SCN8A: variants seen among roughly 807,000 people sequenced by gnomAD.
The protein encoded by SCN8A is sodium channel protein type 8 subunit alpha.
Under a neutral mutation model 184.1 loss-of-function variants are expected in SCN8A, and 30 were observed. The ratio of observed to expected loss-of-function variants is 0.16; its 90% CI spans 0.12 to 0.22. The LOEUF (loss-of-function observed/expected upper bound fraction) is 0.22, where lower values mean the gene tolerates loss of function less well. Among genes scored for constraint, SCN8A ranks in the 10% least tolerant of loss-of-function variants. The pLI, the probability that SCN8A is intolerant of heterozygous loss-of-function variation, is 1.00. For synonymous variants in SCN8A, 852 were observed against 907.0 expected (o/e 0.94, Z 1.09); for missense variants, 1,057 against 2,498.9 (o/e 0.42, Z 12.30).
chr12:51,670,179 CCTCT>C (rs1941106722), intron 2 of SCN8A, among the ~76,000 whole-genome samples: 1 of 152,158 alleles, frequency 6.6e-6, no homozygotes, highest in Non-Finnish European at 1.5e-5. Flanking sequence ...GGTCTTGTCC[CCTCT>C]CTAAGTATGG....
chr12:51,682,523 A>G (rs1941352275), intron 2 of SCN8A, among the ~76,000 whole-genome samples: 1 of 152,210 alleles, frequency 6.6e-6, no homozygotes, highest in African/African-American at 2.4e-5. Context: ...TTTTAAGGAC[A>G]TAGATGTATG....
intron 18 of SCN8A, 33 bp downstream of exon 18, chr12:51,770,018 A>G: frequency 7.1e-7 from 1 of 1,405,864 alleles, no homozygotes; most frequent in Admixed American, 1.9e-5. Context: ...TGGGCTGGGG[A>G]CACTCGTGTT....
At chr12:51,753,215 C>G (rs1942622444) in intron 14 of SCN8A, among the ~76,000 whole-genome samples, 3 of 152,116 alleles carry the variant, frequency 2.0e-5, no homozygotes, top group Admixed American at 2.0e-4. Context: ...AACCCAGAAC[C>G]AAGTTCTAGA....
rs34310829 is a variant in SCN8A at position 51,733,062 on chromosome 12, A to G, written c.1998+11154A>G. Among the ~76,000 whole-genome samples, 1,149 of 152,204 alleles carry G rather than the reference A, an allele frequency of 7.5e-3. 8 individuals are homozygous for G. Among genetic ancestry groups the G allele is most frequent in the Non-Finnish European group, 0.011 (745 of 67,988 alleles). On this transcript the variant is annotated intron_variant, in intron 12 of 26. Coordinates refer to ENST00000627620, the MANE Select transcript of SCN8A (RefSeq NM_001330260.2). ...GCCCTTTATTTCTTTTTCTTGTCCA[A>G]TTGCTCTAAGTAGGACCTCCAGTAC...
intron 19 of SCN8A, among the ~76,000 whole-genome samples, chr12:51,772,591 G>C (rs1470059528): frequency 1.3e-5 from 2 of 152,046 alleles, no homozygotes; most frequent in African/African-American, 4.8e-5. Flanking sequence ...TGACATGGAA[G>C]CTGTTGCCTT....
intron 1 of SCN8A, among the ~76,000 whole-genome samples, chr12:51,631,417 A>G (rs943260608): frequency 6.6e-6 from 1 of 152,246 alleles, no homozygotes; most frequent in African/African-American, 2.4e-5. Flanking sequence ...GAAAAGATGC[A>G]GATGTGATTC....
rs1325769877 is a variant in SCN8A at position 51,647,000 on chromosome 12, CTTCATTAAA to C, written c.-54-15762_-54-15754del. Among the ~76,000 whole-genome samples, 11 of 152,162 alleles carry C rather than the reference CTTCATTAAA, an allele frequency of 7.2e-5. No individual in the cohort carries two copies. The East Asian group carries it at 1.9e-3, about 27-fold the overall frequency. On this transcript the variant is annotated intron_variant, in intron 1 of 26. Coordinates refer to ENST00000627620, the MANE Select transcript of SCN8A (RefSeq NM_001330260.2). ...ATAATAATTGTAATCATTGGATTGA[CTTCATTAAA>C]TAGGATCCATTCTTAAGAATCTTTC...
At chr12:51,672,259 A>G (rs1466308842) in intron 2 of SCN8A, among the ~76,000 whole-genome samples, 2 of 152,118 alleles carry the variant, frequency 1.3e-5, no homozygotes, top group Non-Finnish European at 2.9e-5. Context: ...CCACTCCTCC[A>G]TCCTTGAAGC....
intron 3 of SCN8A, 41 bp downstream of exon 3, chr12:51,684,333 A>G (rs772205505): frequency 9.5e-6 from 9 of 946,246 alleles, no homozygotes; most frequent in East Asian, 4.8e-5. Context: ...CGGCAATTGC[A>G]TGGTTGCTTG....
intron 6 of SCN8A, among the ~76,000 whole-genome samples, chr12:51,698,614 G>A (rs1282963688): frequency 6.6e-6 from 1 of 152,172 alleles, no homozygotes; most frequent in Non-Finnish European, 1.5e-5. Flanking sequence ...ATCTCTCCAT[G>A]TGCAATTAAG....
intron 14 of SCN8A, among the ~76,000 whole-genome samples, chr12:51,760,909 T>C (rs1178847296): frequency 6.6e-6 from 1 of 152,230 alleles, no homozygotes; most frequent in Non-Finnish European, 1.5e-5. Flanking sequence ...TATTGCTGTT[T>C]ATTAATTCAG....
Position 51,701,126 on chromosome 12 carries a change from C to G in SCN8A, c.929-18C>G, listed in dbSNP as rs2138738887. 3 of 1,601,002 alleles carry G rather than the reference C, an allele frequency of 1.9e-6. No individual in the cohort carries two copies. The highest frequency in any genetic ancestry group is 1.3e-5 in the African/African-American group (1 of 74,780). ...TTAAATCTGCCTGTTCATTTCCTGC[C>G]TCTTCAAACTTTTCTAGCAAATTTC... is the stretch of plus-strand genomic sequence containing the variant. On this transcript the variant is annotated intron_variant, in intron 7 of 26. Transcript: ENST00000627620.
At chr12:51,778,166 G>A (rs11836594) in intron 20 of SCN8A, among the ~76,000 whole-genome samples, 4,005 of 152,246 alleles carry the variant, frequency 0.026, 161 homozygotes, top group African/African-American at 0.088. Flanking sequence ...TAGCCTAATA[G>A]GGCAACATTT....
In SCN8A at chr12:51,687,417, A is replaced by T. The variant is rs375325746; in HGVS notation, c.614+198A>T. Among the ~76,000 whole-genome samples the T allele has an allele frequency of 9.9e-5, 15 of 152,100 alleles. No individual in the cohort carries two copies. In the South Asian group the frequency reaches 1.7e-3, roughly 17 times the overall value. On this transcript the variant is annotated intron_variant, in intron 5 of 26. Transcript: ENST00000627620. ...TTGTGGTTCAGGCGATGATAATGTGATTATGTGGGAGAAGGCAAGCAGAGG... is the reference window on the plus strand; with the variant it reads ...TTGTGGTTCAGGCGATGATAATGTGTTTATGTGGGAGAAGGCAAGCAGAGG...
chr12:51,776,875 T>C (rs1373447048), intron 20 of SCN8A, among the ~76,000 whole-genome samples: 2 of 152,260 alleles, frequency 1.3e-5, no homozygotes, highest in African/African-American at 4.8e-5. Context: ...CCTTGTTGCC[T>C]CTTAAAGCTG....
intron 3 of SCN8A, 32 bp downstream of exon 3, chr12:51,684,324 G>T: frequency 2.0e-6 from 2 of 1,002,018 alleles, no homozygotes; most frequent in South Asian, 1.3e-5. Context: ...GAGTGAGTGC[G>T]GCAATTGCAT....
chr12:51,725,586 C>T (rs1011885499), intron 12 of SCN8A, among the ~76,000 whole-genome samples: 2 of 152,170 alleles, frequency 1.3e-5, no homozygotes, highest in African/African-American at 2.4e-5. Flanking sequence ...AGACTCAGAG[C>T]GCTGTAGTGA....
intron 11 of SCN8A, among the ~76,000 whole-genome samples, chr12:51,710,781 ACT>A (rs893273351): frequency 4.6e-5 from 7 of 151,426 alleles, no homozygotes; most frequent in African/African-American, 1.7e-4. Flanking sequence ...ACCTTCCCTG[ACT>A]CTCCTGTTTT....
At chr12:51,760,469 A>C (rs1445638629) in intron 14 of SCN8A, among the ~76,000 whole-genome samples, 1 of 152,200 alleles carries the variant, frequency 6.6e-6, no homozygotes, top group East Asian at 1.9e-4. Context: ...TAGGAACCAG[A>C]GTTCCCACAG....
Sources: gnomAD v4.1 joint callset for allele counts (sites outside exome capture counted in the v4.1 genomes callset) on GRCh38, gnomAD v4.1.1 for gene constraint, MANE v1.5 for transcripts, NCBI Gene and HGNC (gene_info 2026-07-23, HGNC 2026-07-21) for gene names.